Variants in ZDHHC3 observed in about 807,000 individuals in gnomAD.
The protein encoded by ZDHHC3 is palmitoyltransferase ZDHHC3.
A neutral mutation model predicts 30.6 loss-of-function variants in ZDHHC3; 9 were observed. That is an observed-to-expected ratio of 0.29 (90% confidence interval 0.18 to 0.51). The LOEUF is 0.51. Ranked by LOEUF, ZDHHC3 falls within the 20% of genes least tolerant of loss-of-function variation. The probability of loss-of-function intolerance (pLI) is 0.97; values close to 1 mark genes in which losing one functional copy is unlikely to be tolerated. For missense variants in ZDHHC3, 246 were observed against 384.2 expected (o/e 0.64, Z 3.01); for synonymous variants, 136 against 140.2 (o/e 0.97, Z 0.21).
In ZDHHC3 at chr3:44,924,538, A is replaced by G. The variant is rs1379613179; in HGVS notation, c.*2151T>C. On this transcript the variant is annotated 3_prime_UTR_variant, in exon 7 of 7. Coordinates refer to ENST00000424952, the MANE Select transcript of ZDHHC3 (RefSeq NM_001135179.2). ...GATAAGCATAGTATGCACAGCTTTA[A>G]AGGAGGAGTTTCTATTTTTAGGACT... is the stretch of plus-strand genomic sequence containing the variant. 1 of 985,330 alleles carries G rather than the reference A, an allele frequency of 1.0e-6. No individual in the cohort carries two copies. The highest frequency in any genetic ancestry group is 1.1e-4 in the East Asian group (1 of 8,824). The allele number at this position is 985,330 out of a possible 1,614,324, so 61.0% of individuals were successfully genotyped here.
At chr3:44,937,935 G>C in intron 3 of ZDHHC3, 1 of 479,950 alleles carries the variant, frequency 2.1e-6, no homozygotes, top group Non-Finnish European at 4.2e-6. Flanking sequence ...AGCCCTCAAG[G>C]AACTGCCGTG....
At chr3:44,940,997 A>G (rs1044711308) in intron 3 of ZDHHC3, among the ~76,000 whole-genome samples, 15 of 152,140 alleles carry the variant, frequency 9.9e-5, no homozygotes, top group Non-Finnish European at 2.2e-4. Flanking sequence ...AGGCTCCTAG[A>G]GCCAGGGCCA....
At chr3:44,931,557 T>C (rs763779147) in intron 5 of ZDHHC3, among the ~76,000 whole-genome samples, 36 of 152,314 alleles carry the variant, frequency 2.4e-4, no homozygotes, top group Admixed American at 3.9e-4. Context: ...CCACCAGGGC[T>C]GAGCAGTGAG....
intron 3 of ZDHHC3, among the ~76,000 whole-genome samples, chr3:44,942,047 A>C (rs1315248090): frequency 6.6e-6 from 1 of 152,246 alleles, no homozygotes; most frequent in Non-Finnish European, 1.5e-5. Context: ...AGACCCAACC[A>C]CACACCATAG....
In ZDHHC3 at chr3:44,918,224, T is replaced by C. The variant is rs1025618783; in HGVS notation, c.*8465A>G. On this transcript the variant is annotated 3_prime_UTR_variant, in exon 7 of 7. Coordinates refer to ENST00000424952, the MANE Select transcript of ZDHHC3 (RefSeq NM_001135179.2). ...CACATAGACACCCCCAGCTATAGCA[T>C]AGCAGTGGCGGGGGGGGGGGCGGGG... 82 of 1,106,500 alleles carry C rather than the reference T, an allele frequency of 7.4e-5. No individual in the cohort carries two copies. Among genetic ancestry groups the C allele is most frequent in the Middle Eastern group, 3.9e-4 (1 of 2,596 alleles). 68.5% of individuals were successfully genotyped at this position (1,106,500 alleles called of 1,614,324 possible).
At chr3:44,927,283 A>G (rs1240153078) in intron 6 of ZDHHC3, among the ~76,000 whole-genome samples, 5 of 152,174 alleles carry the variant, frequency 3.3e-5, no homozygotes, top group African/African-American at 7.2e-5. Flanking sequence ...CATCATAACC[A>G]ATGATGGCCA....
chr3:44,922,377 C>T lies in ZDHHC3; in HGVS notation c.*4312G>A, dbSNP rs1357112436. On this transcript the variant is annotated 3_prime_UTR_variant, in exon 7 of 7. Coordinates refer to ENST00000424952, the MANE Select transcript of ZDHHC3 (RefSeq NM_001135179.2). ...CCGGGCTGCTTCTTCACCCAAAGGGCCCTTGGTCTAGAGATGGGTTCCACT... is the reference window on the plus strand; with the variant it reads ...CCGGGCTGCTTCTTCACCCAAAGGGTCCTTGGTCTAGAGATGGGTTCCACT... The T allele has an allele frequency of 1.0e-6, 1 of 985,386 alleles. No homozygotes were observed. Among genetic ancestry groups the T allele is most frequent in the East Asian group, 1.1e-4 (1 of 8,800 alleles). 61.0% of individuals were successfully genotyped at this position (985,386 alleles called of 1,614,324 possible).
At chr3:44,938,258 G>A in intron 3 of ZDHHC3, 1 of 184,376 alleles carries the variant, frequency 5.4e-6, no homozygotes, top group Non-Finnish European at 1.1e-5. Context: ...TGCTGGGTGG[G>A]CTCACAGGCG....
At chr3:44,965,949 T>C (rs13324274) in intron 1 of ZDHHC3, among the ~76,000 whole-genome samples, 3,633 of 152,274 alleles carry the variant, frequency 0.024, 156 homozygotes, top group African/African-American at 0.08. Flanking sequence ...CACATGAACA[T>C]TCATGCACTC....
At position 44,919,591 on chromosome 3, in the gene ZDHHC3, T is replaced by C. The variant is rs1172924622; in HGVS notation, c.*7098A>G. 1.3e-5 allele frequency among the ~76,000 whole-genome samples: 2 copies of C among 152,180 alleles called. No homozygotes were observed. Among genetic ancestry groups the C allele is most frequent in the Non-Finnish European group, 2.9e-5 (2 of 68,034 alleles). ...GGAAGACTGAGGAACTGTCACAAAC[T>C]GGAGGAGACTAAGGAGACATCGCAA... On this transcript the variant is annotated 3_prime_UTR_variant, in exon 7 of 7. Transcript: ENST00000424952.
At chr3:44,970,809 T>C (rs1380498592) in intron 1 of ZDHHC3, among the ~76,000 whole-genome samples, 1 of 152,164 alleles carries the variant, frequency 6.6e-6, no homozygotes, top group Non-Finnish European at 1.5e-5. Context: ...TATAATGAAG[T>C]GGTAAATGAA....
intron 1 of ZDHHC3, among the ~76,000 whole-genome samples, chr3:44,971,588 T>G (rs1164495476): frequency 6.6e-6 from 1 of 152,240 alleles, no homozygotes; most frequent in South Asian, 2.1e-4. Flanking sequence ...TTTGTTACTT[T>G]CCATGGCTAT....
rs1052476896 is a variant in ZDHHC3, at chr3:44,924,380, C to T, written c.*2309G>A. 70 of 985,298 alleles carry T rather than the reference C, an allele frequency of 7.1e-5. No individual in the cohort carries two copies. Among genetic ancestry groups the T allele is most frequent in the African/African-American group, 6.8e-4 (39 of 57,224 alleles). 61.0% of individuals were successfully genotyped at this position (985,298 alleles called of 1,614,324 possible). Reference sequence around the variant, plus strand: ...ATGAAATAGGAAAAATGCCAGGAACCTTGGGGTATTCCTATCTTCTGAGAG... The same window carrying T: ...ATGAAATAGGAAAAATGCCAGGAACTTTGGGGTATTCCTATCTTCTGAGAG... On this transcript the variant is annotated 3_prime_UTR_variant, in exon 7 of 7. Coordinates refer to ENST00000424952, the MANE Select transcript of ZDHHC3 (RefSeq NM_001135179.2).
intron 3 of ZDHHC3, among the ~76,000 whole-genome samples, chr3:44,942,926 T>A (rs896383527): frequency 7.2e-5 from 11 of 151,984 alleles, no homozygotes; most frequent in South Asian, 4.2e-4. Flanking sequence ...CTGAGCTTTT[T>A]AAAAAAAATC....
chr3:44,968,895 T>C (rs1348662205), intron 1 of ZDHHC3, among the ~76,000 whole-genome samples: 1 of 152,124 alleles, frequency 6.6e-6, no homozygotes, highest in Non-Finnish European at 1.5e-5. Context: ...GTTTTACAGA[T>C]GAGTAAGGAA....
intron 3 of ZDHHC3, among the ~76,000 whole-genome samples, chr3:44,942,977 G>A (rs1702577301): frequency 6.6e-6 from 1 of 152,158 alleles, no homozygotes; most frequent in Non-Finnish European, 1.5e-5. Context: ...AAGCCCGAGA[G>A]TGGCAAGAAA....
intron 2 of ZDHHC3, among the ~76,000 whole-genome samples, chr3:44,946,902 T>C (rs1213422957): frequency 6.6e-6 from 1 of 152,204 alleles, no homozygotes; most frequent in Non-Finnish European, 1.5e-5. Context: ...CTAGAGCCAT[T>C]AGGTAACACT....
In ZDHHC3 at chr3:44,918,231, GGC is replaced by G. The variant is rs1051967518; in HGVS notation, c.*8456_*8457del. 24 of 1,078,434 alleles carry G rather than the reference GGC, an allele frequency of 2.2e-5. No homozygotes were observed. In the African/African-American group the frequency reaches 5.5e-4, roughly 25 times the overall value. 66.8% of individuals were successfully genotyped at this position (1,078,434 alleles called of 1,614,324 possible). Reference sequence around the variant, plus strand: ...ACACCCCCAGCTATAGCATAGCAGTGGCGGGGGGGGGGGCGGGGTGTCCACGG... The same window carrying G: ...ACACCCCCAGCTATAGCATAGCAGTGGGGGGGGGGGGCGGGGTGTCCACGG... On this transcript the variant is annotated 3_prime_UTR_variant, in exon 7 of 7. Transcript: ENST00000424952.
In ZDHHC3 at chr3:44,922,911, G is replaced by A. The variant is rs150532762; in HGVS notation, c.*3778C>T. The A allele has an allele frequency of 1.0e-4, 103 of 985,224 alleles. No homozygotes were observed. In the African/African-American group the frequency reaches 1.6e-3, roughly 15 times the overall value. The allele number at this position is 985,224 out of a possible 1,614,324, so 61.0% of individuals were successfully genotyped here. On this transcript the variant is annotated 3_prime_UTR_variant, in exon 7 of 7. Coordinates refer to ENST00000424952, the MANE Select transcript of ZDHHC3 (RefSeq NM_001135179.2). ...TTTGATATCTAAGGGCACCTTCTAG[G>A]TGGGGCGCCTTCCCCTCTACTGGCT...
Sources: gnomAD v4.1 joint callset for allele counts (sites outside exome capture counted in the v4.1 genomes callset) on GRCh38, gnomAD v4.1.1 for gene constraint, MANE v1.5 for transcripts, NCBI Gene and HGNC (gene_info 2026-07-23, HGNC 2026-07-21) for gene names.